Variants in AKR1C4 observed in about 807,000 individuals in gnomAD.
AKR1C4 encodes 3-alpha-HSD1.
A neutral mutation model predicts 41.0 loss-of-function variants in AKR1C4; 44 were observed. The observed-to-expected ratio is 1.07, with a 90% CI of 0.84 to 1.38. The LOEUF (loss-of-function observed/expected upper bound fraction) is 1.38. AKR1C4 is among the 40% of genes most tolerant of loss of function. AKR1C4 has a pLI of 0.00. For missense variants in AKR1C4, 438 were observed against 387.9 expected, an observed-to-expected ratio of 1.13 and a Z score of -1.09; for synonymous variants, 165 against 137.7, an observed-to-expected ratio of 1.20 and a Z score of -1.39.
At chr10:5,208,078 A>G (rs1554797639) in intron 5 of AKR1C4, among the ~76,000 whole-genome samples, 2 of 151,498 alleles carry the variant, frequency 1.3e-5, no homozygotes, top group Non-Finnish European at 2.9e-5. Flanking sequence ...AAAAAAGGAA[A>G]GTTAACTATT....
intron 8 of AKR1C4, 41 bp downstream of exon 8, chr10:5,216,834 G>A (rs1333121860): frequency 4.2e-6 from 6 of 1,442,422 alleles, no homozygotes; most frequent in Non-Finnish European, 5.8e-6. Flanking sequence ...TTTATTTTTA[G>A]AGGAGGAATG....
At chr10:5,199,010 G>A (rs1319925178) in intron 1 of AKR1C4, among the ~76,000 whole-genome samples, 4 of 152,124 alleles carry the variant, frequency 2.6e-5, no homozygotes, top group South Asian at 4.1e-4. Flanking sequence ...GACAGAGTGA[G>A]ACTCTGTCTC....
intron 7 of AKR1C4, 121 bp downstream of exon 7, chr10:5,213,280 G>C: frequency 7.0e-7 from 1 of 1,438,626 alleles, no homozygotes; most frequent in African/African-American, 1.4e-5. Context: ...ATGCACAAAT[G>C]CTTTGTGTGC....
chr10:5,207,294 A>G (rs1832504799), intron 5 of AKR1C4: 3 of 249,036 alleles, frequency 1.2e-5, no homozygotes, highest in Non-Finnish European at 2.4e-5. Context: ...TATTCAATAA[A>G]TTTGTAAATA....
At chr10:5,212,592 C>T (rs781980219) in intron 5 of AKR1C4, 24 bp from the exon 6 acceptor site, 2 of 1,580,318 alleles carry the variant, frequency 1.3e-6, no homozygotes, top group East Asian at 2.2e-5. Context: ...TTATCTGATG[C>T]TTTTCTCTCT....
intron 5 of AKR1C4, among the ~76,000 whole-genome samples, chr10:5,206,772 A>G (rs1388225343): frequency 1.6e-5 from 2 of 124,026 alleles, no homozygotes; most frequent in African/African-American, 7.3e-5. Context: ...TAGAGGCCAT[A>G]AAAACATGGG....
intron 5 of AKR1C4, among the ~76,000 whole-genome samples, chr10:5,212,051 C>T (rs529278020): frequency 6.6e-6 from 1 of 152,278 alleles, no homozygotes; most frequent in African/African-American, 2.4e-5. Flanking sequence ...ATGAGAGCTA[C>T]AAAATGAGAT....
At position 5,205,840 on chromosome 10, in the gene AKR1C4, T is replaced by C; in HGVS notation, c.447+6T>C. The C allele has an allele frequency of 6.2e-7, 1 of 1,610,334 alleles. No individual in the cohort carries two copies. Among genetic ancestry groups the C allele is most frequent in the South Asian group, 1.1e-5 (1 of 90,680 alleles). On this transcript the variant is annotated splice_donor_region_variant and intron_variant, in intron 4 of 8. Transcript: ENST00000263126. ...ATCTCTCTGCCACATGGGAGGTGAG[T>C]GCTTGGAGGACAGAGTACAGAAAAG...
At chr10:5,204,634 C>A in intron 3 of AKR1C4, 141 bp downstream of exon 3, 1 of 781,158 alleles carries the variant, frequency 1.3e-6, no homozygotes, top group Non-Finnish European at 2.3e-6. Flanking sequence ...AAGCCATTTT[C>A]TTGAAGAGTA....
chr10:5,205,973 G>A, intron 4 of AKR1C4, 139 bp downstream of exon 4: 1 of 991,290 alleles, frequency 1.0e-6, no homozygotes, highest in Non-Finnish European at 1.5e-6. Flanking sequence ...TTTGCTGAGT[G>A]GTAGGGAAGA....
intron 5 of AKR1C4, among the ~76,000 whole-genome samples, chr10:5,209,725 T>C (rs1554797762): frequency 6.6e-6 from 1 of 152,144 alleles, no homozygotes; most frequent in East Asian, 1.9e-4. Flanking sequence ...ATGAGACTTA[T>C]TCACTATCTC....
intron 7 of AKR1C4, among the ~76,000 whole-genome samples, chr10:5,213,416 A>T (rs1554798159): frequency 6.6e-6 from 1 of 152,188 alleles, no homozygotes; most frequent in African/African-American, 2.4e-5. Flanking sequence ...TCTGCTAGGG[A>T]CATCACCTTT....
intron 5 of AKR1C4, 43 bp from the exon 6 acceptor site, chr10:5,212,573 T>TG (rs1246767754): frequency 3.3e-6 from 5 of 1,508,746 alleles, no homozygotes; most frequent in Non-Finnish European, 4.5e-6. Context: ...TTAACATATC[T>TG]GTTTTGAATT....
At chr10:5,200,551 T>C (rs1390021073) in intron 2 of AKR1C4, among the ~76,000 whole-genome samples, 3 of 152,236 alleles carry the variant, frequency 2.0e-5, no homozygotes, top group African/African-American at 7.2e-5. Context: ...AATTTACTAC[T>C]TGAAAGTTAC....
intron 1 of AKR1C4, 43 bp downstream of exon 1, chr10:5,196,994 G>A (rs1554796386): frequency 1.3e-6 from 2 of 1,588,846 alleles, no homozygotes; most frequent in African/African-American, 2.7e-5. Flanking sequence ...AAAGAGCAAA[G>A]CTAGAATAAG....
At chr10:5,200,464 A>G in intron 2 of AKR1C4, 116 bp downstream of exon 2, 1 of 1,450,022 alleles carries the variant, frequency 6.9e-7, no homozygotes, top group Non-Finnish European at 9.1e-7. Flanking sequence ...GTTCCAATTT[A>G]TTCACACATA....
At chr10:5,211,704 C>T (rs1428250272) in intron 5 of AKR1C4, among the ~76,000 whole-genome samples, 1 of 152,170 alleles carries the variant, frequency 6.6e-6, no homozygotes, top group African/African-American at 2.4e-5. Flanking sequence ...ACTTCATTTT[C>T]AGGTATCTAT....
At chr10:5,213,246 A>G in intron 7 of AKR1C4, 87 bp downstream of exon 7, 1 of 1,550,108 alleles carries the variant, frequency 6.5e-7, no homozygotes. Context: ...CCCTTGGACT[A>G]AGTCCACTTC....
intron 5 of AKR1C4, among the ~76,000 whole-genome samples, chr10:5,209,137 G>A (rs1832532214): frequency 6.6e-6 from 1 of 152,180 alleles, no homozygotes; most frequent in Non-Finnish European, 1.5e-5. Flanking sequence ...AATTAGTGAT[G>A]CTAATTTTGA....
Sources: allele counts gnomAD v4.1 joint callset (sites outside exome capture counted in the v4.1 genomes callset), GRCh38; gene constraint gnomAD v4.1.1; transcripts MANE v1.5; gene names NCBI Gene and HGNC (gene_info 2026-07-23, HGNC 2026-07-21).